Variants in EGLN1 observed in about 807,000 individuals in gnomAD.
EGLN1 encodes egl-9 family hypoxia inducible factor 1, also known as egl nine homolog 1.
EGLN1 carries 17 observed loss-of-function variants against 38.3 expected under a neutral mutation model. That is an observed-to-expected ratio of 0.44 (90% CI 0.30 to 0.67). The LOEUF is 0.67. Among genes scored for constraint, EGLN1 ranks in the 30% least tolerant of loss-of-function variants. The pLI is 0.08. For synonymous variants in EGLN1, 283 were observed against 257.5 expected, an observed-to-expected ratio of 1.10 and a Z score of -0.95; for missense variants, 477 against 603.3, an observed-to-expected ratio of 0.79 and a Z score of 2.19.
chr1:231,402,116 T>G (rs1463761836), intron 1 of EGLN1, among the ~76,000 whole-genome samples: 1 of 152,204 alleles, frequency 6.6e-6, no homozygotes, highest in African/African-American at 2.4e-5. Context: ...TCTTCTTTTG[T>G]GAAAAAGCTG....
intron 1 of EGLN1, among the ~76,000 whole-genome samples, chr1:231,375,158 C>A (rs765163217): frequency 6.6e-6 from 1 of 152,096 alleles, no homozygotes; most frequent in Non-Finnish European, 1.5e-5. Context: ...CAGGTTCAAG[C>A]GATTCTCCTG....
chr1:231,380,498 T>TACAG (rs1237591514), intron 1 of EGLN1, among the ~76,000 whole-genome samples: 1 of 97,778 alleles, frequency 1.0e-5, no homozygotes, highest in Non-Finnish European at 2.7e-5. Flanking sequence ...TATAAGGGCA[T>TACAG]ATAGTTTCCT....
chr1:231,385,566 A>G (rs186567067), intron 1 of EGLN1, among the ~76,000 whole-genome samples: 1 of 152,358 alleles, frequency 6.6e-6, no homozygotes, highest in East Asian at 1.9e-4. Flanking sequence ...GTGTGAGTCA[A>G]GGAATGTGAC....
chr1:231,373,453 G>A (rs1302221116), intron 2 of EGLN1, among the ~76,000 whole-genome samples: 2 of 152,126 alleles, frequency 1.3e-5, no homozygotes, highest in Admixed American at 6.5e-5. Flanking sequence ...TTTTAGATAA[G>A]TGCTCTAACA....
chr1:231,389,396 T>C (rs959212958), intron 1 of EGLN1, among the ~76,000 whole-genome samples: 3 of 151,846 alleles, frequency 2.0e-5, no homozygotes, highest in East Asian at 3.9e-4. Context: ...AGGGCGAACG[T>C]TGACAAAATG....
intron 1 of EGLN1, among the ~76,000 whole-genome samples, chr1:231,411,182 G>A (rs1688933672): frequency 6.6e-6 from 1 of 152,138 alleles, no homozygotes; most frequent in South Asian, 2.1e-4. Context: ...ACTGGATCAT[G>A]GTGACAGTTT....
chr1:231,368,351 T>C (rs545476785), intron 3 of EGLN1, among the ~76,000 whole-genome samples: 21 of 152,336 alleles, frequency 1.4e-4, no homozygotes, highest in African/African-American at 4.6e-4. Context: ...CACTACATTA[T>C]AGCAAAGAGT....
intron 1 of EGLN1, among the ~76,000 whole-genome samples, chr1:231,408,419 T>C (rs1226753388): frequency 6.6e-6 from 1 of 152,130 alleles, no homozygotes; most frequent in African/African-American, 2.4e-5. Context: ...CTGGTGAGCA[T>C]TAAATGTGTA....
chr1:231,401,790 T>C (rs769942696), intron 1 of EGLN1, among the ~76,000 whole-genome samples: 1 of 152,206 alleles, frequency 6.6e-6, no homozygotes, highest in Non-Finnish European at 1.5e-5. Flanking sequence ...CAAGTCTTTG[T>C]ATGAACGTGT....
At chr1:231,402,822 A>T (rs1040960031) in intron 1 of EGLN1, among the ~76,000 whole-genome samples, 5 of 151,900 alleles carry the variant, frequency 3.3e-5, no homozygotes, top group African/African-American at 7.3e-5. Context: ...TTTTCCACAT[A>T]GATAGCCATG....
chr1:231,393,905 C>A (rs1044025835), intron 1 of EGLN1, among the ~76,000 whole-genome samples: 3 of 152,182 alleles, frequency 2.0e-5, no homozygotes, highest in African/African-American at 7.2e-5. Flanking sequence ...TCTAATCAGT[C>A]ACAAAGCCCT....
chr1:231,391,337 C>T (rs1340699657), intron 1 of EGLN1, among the ~76,000 whole-genome samples: 2 of 152,048 alleles, frequency 1.3e-5, no homozygotes, highest in Admixed American at 1.3e-4. Flanking sequence ...TGCTTCTGAT[C>T]TAGCAGAGAT....
At chr1:231,373,386 TA>T (rs1302116642) in intron 2 of EGLN1, among the ~76,000 whole-genome samples, 1 of 152,228 alleles carries the variant, frequency 6.6e-6, no homozygotes, top group Non-Finnish European at 1.5e-5. Flanking sequence ...AATGTTTTTC[TA>T]AAAACTATTA....
chr1:231,387,525 A>G lies in EGLN1; in HGVS notation c.892-13426T>C, dbSNP rs1688253213. ...CAGGTGCCTGCCACCACGTCCGGCT[A>G]ATTTTTTGTATTTTTAGTAGAGACG... On this transcript the variant is annotated intron_variant, in intron 1 of 4. Transcript: ENST00000366641. Among the ~76,000 whole-genome samples the G allele has an allele frequency of 2.0e-5, 3 of 151,736 alleles. No individual in the cohort carries two copies. The South Asian group carries it at 6.3e-4, about 32-fold the overall frequency.
At chr1:231,411,421 C>T (rs1386389657) in intron 1 of EGLN1, among the ~76,000 whole-genome samples, 1 of 152,148 alleles carries the variant, frequency 6.6e-6, no homozygotes, top group African/African-American at 2.4e-5. Flanking sequence ...AGTGTGAAAA[C>T]AGACAAACAC....
intron 2 of EGLN1, among the ~76,000 whole-genome samples, chr1:231,372,903 T>G (rs1687863843): frequency 6.6e-6 from 1 of 152,142 alleles, no homozygotes; most frequent in Admixed American, 6.6e-5. Flanking sequence ...AAAGGTTATT[T>G]GACTTAAAAA....
rs913487184 is a variant in EGLN1, at chr1:231,421,984, T to C, written c.-96A>G. On this transcript the variant is annotated 5_prime_UTR_variant, in exon 1 of 5. Coordinates refer to ENST00000366641, the MANE Select transcript of EGLN1 (RefSeq NM_022051.3). The surrounding 1 kb of genome is among the most constrained non-coding windows in gnomAD (Gnocchi z 5.5). ...CGAGGCTGGGGAGCGGGGAGAGAGA[T>C]AGGGGCCGTTACTGCGCCATGCACC... The C allele has an allele frequency of 7.1e-6, 9 of 1,260,928 alleles. No individual in the cohort carries two copies. Among genetic ancestry groups the C allele is most frequent in the South Asian group, 6.7e-5 (3 of 44,760 alleles). 78.1% of individuals were successfully genotyped at this position (1,260,928 alleles called of 1,614,324 possible).
rs190617118 is a variant in EGLN1 at position 231,364,631 on chromosome 1, T to C, written c.*1780A>G. On this transcript the variant is annotated 3_prime_UTR_variant, in exon 5 of 5. Transcript: ENST00000366641. ...AATTTTTTTCCATGTTTTACATGAA[T>C]AGCAATGGCAATCTTTTAATAAAAA... 7.8e-4 allele frequency: 119 copies of C among 152,332 alleles called. No individual in the cohort carries two copies. The highest frequency in any genetic ancestry group is 2.6e-3 in the African/African-American group (107 of 41,574). The allele number at this position is 152,332 out of a possible 1,614,324, so 9.4% of individuals were successfully genotyped here.
chr1:231,382,659 T>G (rs1267693700), intron 1 of EGLN1, among the ~76,000 whole-genome samples: 5 of 152,166 alleles, frequency 3.3e-5, no homozygotes, highest in Non-Finnish European at 5.9e-5. Context: ...CTCCTGCTGG[T>G]TCTGTTAGTT....
Sources: gnomAD v4.1 joint callset for allele counts (sites outside exome capture counted in the v4.1 genomes callset) on GRCh38, gnomAD v4.1.1 for gene constraint, Gnocchi (gnomAD v3.1) non-coding constraint, MANE v1.5 for transcripts, NCBI Gene and HGNC (gene_info 2026-07-23, HGNC 2026-07-21) for gene names.